SLC36A1: variants seen among roughly 807,000 people sequenced by gnomAD.
SLC36A1 encodes proton-coupled amino acid transporter 1.
SLC36A1 carries 30 observed loss-of-function variants against 47.5 expected under a neutral mutation model. The observed-to-expected ratio is 0.63, with a 90% confidence interval of 0.47 to 0.86. SLC36A1 has a LOEUF of 0.86. Ranked by LOEUF, SLC36A1 falls within the 40% of genes least tolerant of loss-of-function variation. The probability of loss-of-function intolerance (pLI) is 0.00; values close to 1 mark genes in which losing one functional copy is unlikely to be tolerated. For missense variants in SLC36A1, 517 were observed against 606.0 expected, an observed-to-expected ratio of 0.85 and a Z score of 1.54; for synonymous variants, 255 against 249.7, an observed-to-expected ratio of 1.02 and a Z score of -0.20.
downstream of SLC36A1, among the ~76,000 whole-genome samples, chr5:151,493,385 C>T (rs1028408415): frequency 3.9e-5 from 6 of 152,278 alleles, no homozygotes; most frequent in African/African-American, 1.2e-4. Flanking sequence ...AAGAGTGACA[C>T]CCCCACCACC....
chr5:151,434,509 A>T (rs937137994), upstream of SLC36A1, among the ~76,000 whole-genome samples: 1 of 152,228 alleles, frequency 6.6e-6, no homozygotes, highest in South Asian at 2.1e-4. Flanking sequence ...GATCTGGGAA[A>T]GGTATTATTC....
chr5:151,545,499 T>C, the SLC36A1 span: 1 of 1,614,200 alleles, frequency 6.2e-7, no homozygotes, highest in South Asian at 1.1e-5. Flanking sequence ...CTACCTCATA[T>C]ATCTGTTCTG....
At chr5:151,367,374 T>TTTTTCC in the SLC36A1 span, among the ~76,000 whole-genome samples, 2,081 of 145,508 alleles carry the variant, frequency 0.014, 31 homozygotes, top group South Asian at 0.025. Context: ...TTTTTTTTTT[T>TTTTTCC]CCCCAGGGTA....
chr5:151,379,647 G>A, the SLC36A1 span, among the ~76,000 whole-genome samples: 1 of 152,134 alleles, frequency 6.6e-6, no homozygotes, highest in African/African-American at 2.4e-5. Context: ...CACTTTAATT[G>A]TGGCCACAGG....
chr5:151,443,255 T>C (rs1164283695), upstream of SLC36A1, among the ~76,000 whole-genome samples: 1 of 152,186 alleles, frequency 6.6e-6, no homozygotes, highest in Non-Finnish European at 1.5e-5. Flanking sequence ...CTGTTTTCTA[T>C]AATGGCTGCA....
the SLC36A1 span, among the ~76,000 whole-genome samples, chr5:151,352,643 TTTG>T: frequency 7.9e-5 from 12 of 152,284 alleles, no homozygotes; most frequent in Non-Finnish European, 1.5e-4. Flanking sequence ...ATCTGTTTCC[TTTG>T]TTGTTGTTGT....
At chr5:151,521,821 T>C in the SLC36A1 span, 1 of 1,613,984 alleles carries the variant, frequency 6.2e-7, no homozygotes, top group Non-Finnish European at 8.5e-7. Context: ...AGGCAGGCCC[T>C]GGGCGGCGAT....
At chr5:151,355,638 T>A in the SLC36A1 span, among the ~76,000 whole-genome samples, 1 of 152,168 alleles carries the variant, frequency 6.6e-6, no homozygotes, top group Non-Finnish European at 1.5e-5. Flanking sequence ...AATATTGCCA[T>A]GGCTGTTAAA....
the SLC36A1 span, chr5:151,549,520 G>C: frequency 4.5e-5 from 73 of 1,611,372 alleles, no homozygotes; most frequent in African/African-American, 3.3e-4. Flanking sequence ...GGGCCCAAAG[G>C]GGGTAATTGG....
the SLC36A1 span, chr5:151,522,049 G>A: frequency 3.5e-4 from 556 of 1,605,008 alleles, 1 homozygote; most frequent in Non-Finnish European, 4.6e-4. Context: ...ACGGACAGAC[G>A]TCAAAGACGA....
rs532770988 is a variant in SLC36A1, at chr5:151,490,604, C to T, written c.*2350C>T. On this transcript the variant is annotated 3_prime_UTR_variant, in exon 11 of 11. Transcript: ENST00000243389. ...GCTTCCACACCCCTGGCCGTGAGAA[C>T]GTGGTATGTAGGAGAGTTGGCTGTA... 1.3e-5 allele frequency: 2 copies of T among 152,448 alleles called. No homozygotes were observed. Among genetic ancestry groups the T allele is most frequent in the East Asian group, 3.9e-4 (2 of 5,188 alleles). 9.4% of individuals were successfully genotyped at this position (152,448 alleles called of 1,614,324 possible).
the SLC36A1 span, chr5:151,507,478 C>T: frequency 4.3e-6 from 7 of 1,613,980 alleles, no homozygotes; most frequent in Middle Eastern, 1.6e-4. Flanking sequence ...AAGAGAAGCC[C>T]GACAGTGCTT....
chr5:151,553,161 C>G, the SLC36A1 span: 13 of 1,613,850 alleles, frequency 8.1e-6, no homozygotes, highest in Non-Finnish European at 1.0e-5. Flanking sequence ...TTGTTGGGCC[C>G]TAGGCCTTGC....
intron 7 of SLC36A1, among the ~76,000 whole-genome samples, chr5:151,473,269 A>T (rs1325107216): frequency 2.6e-5 from 4 of 152,160 alleles, no homozygotes; most frequent in Non-Finnish European, 5.9e-5. Context: ...TAATTACTTA[A>T]CTGATCCCTT....
At chr5:151,478,304 A>C (rs995335536) in intron 9 of SLC36A1, among the ~76,000 whole-genome samples, 4 of 152,228 alleles carry the variant, frequency 2.6e-5, no homozygotes, top group African/African-American at 9.6e-5. Context: ...GCTTAGGGAC[A>C]GAGACCTTTC....
the SLC36A1 span, among the ~76,000 whole-genome samples, chr5:151,367,361 A>ATT: frequency 0.027 from 3,206 of 118,860 alleles, 95 homozygotes; most frequent in South Asian, 0.062. Flanking sequence ...CCAGGAATGC[A>ATT]TTTTTTTTTT....
At chr5:151,377,380 G>A in the SLC36A1 span, among the ~76,000 whole-genome samples, 94 of 124,806 alleles carry the variant, frequency 7.5e-4, no homozygotes, top group South Asian at 3.8e-3. Flanking sequence ...ACGGAGTTTC[G>A]CTCTGTCGCC....
intron 10 of SLC36A1, among the ~76,000 whole-genome samples, chr5:151,487,319 C>T (rs962692158): frequency 2.3e-4 from 35 of 152,220 alleles, no homozygotes; most frequent in African/African-American, 8.4e-4. Context: ...GGCAGTGCAC[C>T]ATTGGTCTTC....
intron 1 of SLC36A1, chr5:151,451,034 A>C (rs1172685676): frequency 6.6e-6 from 1 of 152,212 alleles, no homozygotes; most frequent in Non-Finnish European, 1.5e-5. Context: ...TGTGATGAGC[A>C]CATAAAGGTA....
Sources: gnomAD v4.1 joint callset for allele counts (sites outside exome capture counted in the v4.1 genomes callset) on GRCh38, gnomAD v4.1.1 for gene constraint, MANE v1.5 for transcripts, NCBI Gene and HGNC (gene_info 2026-07-23, HGNC 2026-07-21) for gene names.